The following TMEM41B variants were observed in gnomAD, a reference collection of about 807,000 sequenced individuals.
TMEM41B encodes the protein transmembrane protein 41B.
A neutral mutation model predicts 31.9 loss-of-function variants in TMEM41B; 18 were observed. That is an observed-to-expected ratio of 0.56 (90% CI 0.39 to 0.84). The LOEUF is 0.84. Among genes scored for constraint, TMEM41B ranks in the 40% least tolerant of loss-of-function variants. The pLI is 0.00. For missense variants in TMEM41B, 322 were observed against 348.0 expected, an observed-to-expected ratio of 0.93 and a Z score of 0.59; for synonymous variants, 144 against 124.3, an observed-to-expected ratio of 1.16 and a Z score of -1.05.
intron 1 of TMEM41B, among the ~76,000 whole-genome samples, chr11:9,310,880 T>C (rs1188884298): frequency 6.6e-6 from 1 of 152,024 alleles, no homozygotes; most frequent in Non-Finnish European, 1.5e-5. Context: ...TCCACTAAAT[T>C]CCCCAAGTAT....
At chr11:9,301,812 A>G (rs1166703086) in intron 1 of TMEM41B, among the ~76,000 whole-genome samples, 2 of 152,162 alleles carry the variant, frequency 1.3e-5, no homozygotes, top group African/African-American at 4.8e-5. Context: ...ATGGTGGAGG[A>G]CACAGTAAGC....
At chr11:9,283,785 TGA>T (rs1186345793) in intron 6 of TMEM41B, among the ~76,000 whole-genome samples, 192 bp from the exon 7 acceptor site, 1 of 147,346 alleles carries the variant, frequency 6.8e-6, no homozygotes, top group Non-Finnish European at 1.5e-5. Flanking sequence ...TTAAGGATAA[TGA>T]TTTTTTTTTT....
At position 9,314,402 on chromosome 11, in the gene TMEM41B, C is replaced by A. The variant is rs142662786; in HGVS notation, c.40G>T (p.Ala14Ser). The A allele has an allele frequency of 1.7e-5, 26 of 1,568,050 alleles. No individual in the cohort carries two copies. Among genetic ancestry groups the A allele is most frequent in the Middle Eastern group, 3.3e-4 (2 of 6,006 alleles). Residue 14 changes from alanine (A) to serine (S), a missense_variant, in exon 1 of 7, where the codon GCT becomes TCT. This residue lies in a region of TMEM41B where 183 missense variants were observed against 175.3 expected (regional missense o/e 1.04). Coordinates refer to ENST00000528080, the MANE Select transcript of TMEM41B (RefSeq NM_015012.4). ...GRVAERSQLG[A>S]HHTTPVGDGA... ...TCCCCCACGGGGGTCGTGTGGTGAG[C>A]GCCCAACTGCGATCGTTCGGCGACT...
intron 4 of TMEM41B, chr11:9,288,031 T>A: frequency 2.0e-6 from 1 of 510,944 alleles, no homozygotes. Flanking sequence ...ACCTAGTGAC[T>A]ATATCCAAAT....
chr11:9,287,188 T>C (rs2133611027), intron 5 of TMEM41B, among the ~76,000 whole-genome samples: 1 of 151,534 alleles, frequency 6.6e-6, no homozygotes, highest in East Asian at 1.9e-4. Context: ...GTACCTATAA[T>C]CCCAGCTACT....
At chr11:9,295,849 A>T (rs1488260595) in intron 2 of TMEM41B, among the ~76,000 whole-genome samples, 1 of 150,204 alleles carries the variant, frequency 6.7e-6, no homozygotes, top group African/African-American at 2.5e-5. Flanking sequence ...ATTATTATTA[A>T]TTTCATTTTA....
intron 1 of TMEM41B, chr11:9,311,233 G>A: frequency 6.8e-7 from 1 of 1,480,192 alleles, no homozygotes; most frequent in Non-Finnish European, 9.1e-7. Flanking sequence ...AGCTTGATAG[G>A]AGAGCAGAAC....
rs1476772241 is a variant in TMEM41B, at chr11:9,281,605, G to A, written c.*1819C>T. 2.6e-5 allele frequency: 4 copies of A among 152,200 alleles called. No homozygotes were observed. Among genetic ancestry groups the A allele is most frequent in the Non-Finnish European group, 5.9e-5 (4 of 68,036 alleles). The allele number at this position is 152,200 out of a possible 1,614,324, so 9.4% of individuals were successfully genotyped here. ...CATGGGTGAAGGTAAAACTGACAGA[G>A]TACTTTAGATCAGCTATGTCCTACA... On this transcript the variant is annotated 3_prime_UTR_variant, in exon 7 of 7. Coordinates refer to ENST00000528080, the MANE Select transcript of TMEM41B (RefSeq NM_015012.4).
Position 9,299,325 on chromosome 11 carries a change from TACAC to T in TMEM41B, c.239+255_239+258del, listed in dbSNP as rs139794462. Among the ~76,000 whole-genome samples the T allele has an allele frequency of 4.5e-4, 55 of 123,150 alleles. 2 individuals are homozygous for T. The East Asian group carries it at 0.012, about 26-fold the overall frequency. The allele number at this position is 123,150 out of a possible 152,430, so 80.8% of individuals were successfully genotyped here. ...AAAAAAGAAAGTATATATACATACA[TACAC>T]ACACACACACACACACGTGTGTGTA... On this transcript the variant is annotated intron_variant, in intron 2 of 6. Transcript: ENST00000528080.
intron 1 of TMEM41B, among the ~76,000 whole-genome samples, chr11:9,305,002 G>A (rs535937459): frequency 5.3e-5 from 8 of 151,834 alleles, no homozygotes; most frequent in African/African-American, 1.9e-4. Flanking sequence ...ATTTTGCCCA[G>A]GCTGGTCTTG....
chr11:9,294,904 G>A lies in TMEM41B; in HGVS notation c.368+355C>T, dbSNP rs149841913. 7.0e-4 allele frequency among the ~76,000 whole-genome samples: 107 copies of A among 151,890 alleles called. No homozygotes were observed. In the Middle Eastern group the frequency reaches 0.01, roughly 14 times the overall value. ...ACAGAACAATTATAAAAATACTATG[G>A]TGACTACTAATTCAAAATAATTATA... On this transcript the variant is annotated intron_variant, in intron 3 of 6. Transcript: ENST00000528080.
chr11:9,306,679 C>A (rs1372679010), intron 1 of TMEM41B, among the ~76,000 whole-genome samples: 1 of 148,608 alleles, frequency 6.7e-6, no homozygotes, highest in Admixed American at 6.7e-5. Context: ...GAGCGAGACT[C>A]CGTCTCAAAA....
In TMEM41B at chr11:9,283,257, T is replaced by G. The variant is rs924835525; in HGVS notation, c.*167A>C. 1.8e-6 allele frequency: 1 copy of G among 567,292 alleles called. No individual in the cohort carries two copies. Among genetic ancestry groups the G allele is most frequent in the African/African-American group, 1.9e-5 (1 of 52,156 alleles). The allele number at this position is 567,292 out of a possible 1,614,324, so 35.1% of individuals were successfully genotyped here. On this transcript the variant is annotated 3_prime_UTR_variant, in exon 7 of 7. Coordinates refer to ENST00000528080, the MANE Select transcript of TMEM41B (RefSeq NM_015012.4). Reference sequence around the variant, plus strand: ...AGTATACCAATTTCCATTTTTACTTTCTTCTCCCCTTGTCACTTAAATGTA... The same window carrying G: ...AGTATACCAATTTCCATTTTTACTTGCTTCTCCCCTTGTCACTTAAATGTA...
chr11:9,294,132 G>C (rs906175639), intron 3 of TMEM41B, among the ~76,000 whole-genome samples: 1 of 143,370 alleles, frequency 7.0e-6, no homozygotes, highest in Non-Finnish European at 1.5e-5. Context: ...AGTGAGCCAT[G>C]ATCATGCCAC....
intron 1 of TMEM41B, among the ~76,000 whole-genome samples, chr11:9,303,887 C>T (rs888367661): frequency 1.3e-5 from 2 of 151,834 alleles, no homozygotes; most frequent in East Asian, 3.9e-4. Flanking sequence ...AGGCTGGTCT[C>T]GAACTCCTGA....
intron 2 of TMEM41B, among the ~76,000 whole-genome samples, chr11:9,296,498 T>C (rs1212694797): frequency 6.6e-6 from 1 of 150,406 alleles, no homozygotes; most frequent in Non-Finnish European, 1.5e-5. Context: ...TGGTGGTGCA[T>C]GCCTGTAATC....
intron 3 of TMEM41B, among the ~76,000 whole-genome samples, chr11:9,289,358 G>C (rs561538886): frequency 3.3e-5 from 5 of 151,530 alleles, no homozygotes; most frequent in Non-Finnish European, 7.4e-5. Context: ...TTCCCAGTTT[G>C]GATCTGAACC....
At chr11:9,297,184 A>T (rs112324847) in intron 2 of TMEM41B, among the ~76,000 whole-genome samples, 40 of 152,188 alleles carry the variant, frequency 2.6e-4, no homozygotes, top group African/African-American at 7.7e-4. Context: ...TCCCAGGTTC[A>T]CGCCATTCTC....
chr11:9,307,810 A>ATC (rs1249107139), intron 1 of TMEM41B, among the ~76,000 whole-genome samples: 1 of 151,138 alleles, frequency 6.6e-6, no homozygotes, highest in Non-Finnish European at 1.5e-5. Context: ...CAGTGGCGCA[A>ATC]TCTCGGCTCG....
Sources: gnomAD v4.1 joint callset for allele counts (sites outside exome capture counted in the v4.1 genomes callset) on GRCh38, gnomAD v4.1.1 for gene constraint, gnomAD v4.1.1 regional missense constraint, MANE v1.5 for transcripts, NCBI Gene and HGNC (gene_info 2026-07-23, HGNC 2026-07-21) for gene names.